Variants in OSBPL10 observed in about 807,000 individuals in gnomAD.
OSBPL10 encodes the protein oxysterol-binding protein-related protein 10.
OSBPL10 carries 49 observed loss-of-function variants against 81.7 expected under a neutral mutation model. The ratio of observed to expected loss-of-function variants is 0.60; its 90% confidence interval spans 0.48 to 0.76. OSBPL10 has a LOEUF of 0.76. Ranked by LOEUF, OSBPL10 falls within the 30% of genes least tolerant of loss-of-function variation. OSBPL10 has a pLI of 0.00. For missense variants in OSBPL10, 923 were observed against 987.8 expected, an observed-to-expected ratio of 0.93 and a Z score of 0.88; for synonymous variants, 419 against 383.6, an observed-to-expected ratio of 1.09 and a Z score of -1.08.
Position 32,026,042 on chromosome 3 carries a change from A to AGATAGATAGAT in OSBPL10, n.298+20438_298+20448dup, listed in dbSNP as rs1453795236. ...TAGATAGATAGATAGATAGATAGAT[A>AGATAGATAGAT]GATAGATAGATAGATGATAGATAGA... On this transcript the variant is annotated intron_variant and non_coding_transcript_variant, in intron 2 of 3. Coordinates refer to the OSBPL10 transcript ENST00000479173. Among the ~76,000 whole-genome samples, 76 of 121,924 alleles carry AGATAGATAGAT rather than the reference A, an allele frequency of 6.2e-4. 2 individuals are homozygous for AGATAGATAGAT. The highest frequency in any genetic ancestry group is 4.9e-3 in the Middle Eastern group (1 of 206). The allele number at this position is 121,924 out of a possible 152,430, so 80.0% of individuals were successfully genotyped here.
chr3:31,909,086 T>C (rs1443068734), intron 1 of OSBPL10, among the ~76,000 whole-genome samples: 1 of 152,240 alleles, frequency 6.6e-6, no homozygotes, highest in Non-Finnish European at 1.5e-5. Flanking sequence ...TGTTAAGTCT[T>C]TTTACTTTAT....
intron 6 of OSBPL10, among the ~76,000 whole-genome samples, chr3:31,727,317 C>G (rs1238194231): frequency 1.3e-5 from 2 of 151,804 alleles, no homozygotes; most frequent in Non-Finnish European, 2.9e-5. Flanking sequence ...TAAACAACCA[C>G]TCGAGTTTGA....
intron 2 of OSBPL10, chr3:31,988,998 G>C: frequency 1.3e-6 from 2 of 1,544,100 alleles, no homozygotes; most frequent in Non-Finnish European, 1.8e-6. Flanking sequence ...TTTGTTTCTC[G>C]GAAACAGATA....
rs1559554974 is a variant in OSBPL10 at position 32,049,026 on chromosome 3, CT to C, written n.186-2424del. ...GCCATTGCAACATCCGGAAGTTACCCTATATGGTCTAAAGAGGGAAGGACCC... is the reference window on the plus strand; with the variant it reads ...GCCATTGCAACATCCGGAAGTTACCCATATGGTCTAAAGAGGGAAGGACCC... On this transcript the variant is annotated intron_variant and non_coding_transcript_variant, in intron 1 of 3. Transcript: ENST00000479173. Among the ~76,000 whole-genome samples, 309 of 152,210 alleles carry C rather than the reference CT, an allele frequency of 2.0e-3. No homozygotes were observed. The Middle Eastern group carries it at 0.034, about 17-fold the overall frequency.
chr3:32,065,983 GAAAGAAAGAAAGAAAGAAAGAAAGAGAA>G lies in OSBPL10; in HGVS notation n.185+11385_185+11412del, dbSNP rs1207131661. On this transcript the variant is annotated intron_variant and non_coding_transcript_variant, in intron 1 of 3. Coordinates refer to the OSBPL10 transcript ENST00000479173. The stretch of plus-strand genomic sequence containing the variant: ...AGAAAGAAAGAAAGAAAGAAAGAAA[GAAAGAAAGAAAGAAAGAAAGAAAGAGAA>G]AGAAAGAAAGAAAGAGAGAGAGAGA... 3.3e-3 allele frequency among the ~76,000 whole-genome samples: 216 copies of G among 64,906 alleles called. 39 individuals are homozygous for G. The highest frequency in any genetic ancestry group is 7.0e-3 in the African/African-American group (199 of 28,476). 42.6% of individuals were successfully genotyped at this position (64,906 alleles called of 152,430 possible). A position where few individuals can be genotyped will look rare whatever the true frequency, so the allele number is the denominator to read the frequency against.
intron 6 of OSBPL10, chr3:31,704,644 T>C (rs534183641): frequency 6.6e-6 from 1 of 152,272 alleles, no homozygotes; most frequent in East Asian, 1.9e-4. Flanking sequence ...ACTAAATCAA[T>C]TGCTCCACTG....
intron 4 of OSBPL10, among the ~76,000 whole-genome samples, chr3:31,815,448 C>T (rs537571739): frequency 5.3e-5 from 8 of 152,304 alleles, no homozygotes; most frequent in Admixed American, 2.6e-4. Flanking sequence ...AAATATGTTA[C>T]ACCTTTAAAA....
At chr3:31,914,918 G>A (rs1056858690) in intron 1 of OSBPL10, among the ~76,000 whole-genome samples, 7 of 152,090 alleles carry the variant, frequency 4.6e-5, no homozygotes, top group Non-Finnish European at 1.0e-4. Context: ...TAGAGTATAA[G>A]CTCCCTGTGT....
intron 8 of OSBPL10, among the ~76,000 whole-genome samples, chr3:31,673,215 A>G (rs1436184188): frequency 3.9e-5 from 6 of 152,198 alleles, no homozygotes; most frequent in African/African-American, 1.4e-4. Context: ...AGAATTAGAC[A>G]TTGGTGTTTC....
At chr3:31,870,233 G>A (rs1035911447) in intron 3 of OSBPL10, among the ~76,000 whole-genome samples, 11 of 151,428 alleles carry the variant, frequency 7.3e-5, no homozygotes, top group Admixed American at 6.6e-4. Flanking sequence ...CGGGCCTCCC[G>A]GCCCGGGCAG....
intron 3 of OSBPL10, among the ~76,000 whole-genome samples, chr3:31,860,664 C>A (rs184344080): frequency 6.6e-6 from 1 of 152,030 alleles, no homozygotes; most frequent in Non-Finnish European, 1.5e-5. Flanking sequence ...CCTTAGTTCT[C>A]TTTCTGTTTT....
intron 1 of OSBPL10, among the ~76,000 whole-genome samples, chr3:31,953,838 G>T (rs1697936515): frequency 6.6e-6 from 1 of 152,228 alleles, no homozygotes; most frequent in Admixed American, 6.5e-5. Flanking sequence ...GTGTATGTGA[G>T]GAGTGTGTGT....
Position 31,871,182 on chromosome 3 carries a change from C to T in OSBPL10, c.537+5251G>A, listed in dbSNP as rs149503925. Among the ~76,000 whole-genome samples, 66 of 152,310 alleles carry T rather than the reference C, an allele frequency of 4.3e-4. No individual in the cohort carries two copies. The East Asian group carries it at 0.012, about 27-fold the overall frequency. On this transcript the variant is annotated intron_variant, in intron 3 of 11. Coordinates refer to ENST00000396556, the MANE Select transcript of OSBPL10 (RefSeq NM_017784.5). ...CTCTTTGCAATAAATCTTGCTACTG[C>T]TCACTCTTTGGGTCCACACTGCTTT...
intron 3 of OSBPL10, among the ~76,000 whole-genome samples, chr3:31,838,130 C>T (rs1350187477): frequency 2.0e-5 from 3 of 151,988 alleles, no homozygotes; most frequent in African/African-American, 7.3e-5. Flanking sequence ...TTAACAAAAC[C>T]ACAATGGAAA....
intron 2 of OSBPL10, chr3:31,990,056 A>G (rs1171592027): frequency 3.1e-6 from 5 of 1,613,944 alleles, no homozygotes; most frequent in African/African-American, 1.3e-5. Context: ...TTTAGTCGCA[A>G]ATCAAATCTT....
At chr3:31,928,505 C>T (rs940554243) in intron 1 of OSBPL10, among the ~76,000 whole-genome samples, 1 of 149,548 alleles carries the variant, frequency 6.7e-6, no homozygotes, top group Non-Finnish European at 1.5e-5. Flanking sequence ...GGGCGCAGAG[C>T]GGCTCCTGCC....
At chr3:31,910,770 AAAATTTAAC>A (rs1257373904) in intron 1 of OSBPL10, among the ~76,000 whole-genome samples, 1 of 152,372 alleles carries the variant, frequency 6.6e-6, no homozygotes, top group East Asian at 1.9e-4. Flanking sequence ...CTTCCAGAGT[AAAATTTAAC>A]AAATGGCGCC....
At chr3:31,904,711 G>A (rs905887507) in intron 1 of OSBPL10, among the ~76,000 whole-genome samples, 5 of 152,096 alleles carry the variant, frequency 3.3e-5, no homozygotes, top group South Asian at 2.1e-4. Context: ...AGGATAGAGC[G>A]GGCTGAAATT....
chr3:31,750,018 T>TA (rs555658448), intron 4 of OSBPL10, among the ~76,000 whole-genome samples: 3 of 150,290 alleles, frequency 2.0e-5, no homozygotes, highest in Non-Finnish European at 3.0e-5. Context: ...CCATCTCTAC[T>TA]AAAAAACACA....
Sources: allele counts gnomAD v4.1 joint callset (sites outside exome capture counted in the v4.1 genomes callset), GRCh38; gene constraint gnomAD v4.1.1; transcripts MANE v1.5; gene names NCBI Gene and HGNC (gene_info 2026-07-23, HGNC 2026-07-21).